MTUS2: variants seen among roughly 807,000 people sequenced by gnomAD.
The protein encoded by MTUS2 is microtubule associated scaffold protein 2.
A neutral mutation model predicts 114.1 loss-of-function variants in MTUS2; 40 were observed. The ratio of observed to expected loss-of-function variants is 0.35; its 90% CI spans 0.27 to 0.46. The LOEUF is 0.46. Among genes scored for constraint, MTUS2 ranks in the 20% least tolerant of loss-of-function variants. The pLI, the probability that MTUS2 is intolerant of heterozygous loss-of-function variation, is 1.00. For synonymous variants in MTUS2, 688 were observed against 672.0 expected (o/e 1.02, Z -0.37); for missense variants, 1,679 against 1,705.4 (o/e 0.98, Z 0.27).
intron 2 of MTUS2, among the ~76,000 whole-genome samples, chr13:28,972,852 G>A (rs1313742846): frequency 6.6e-6 from 1 of 151,932 alleles, no homozygotes; most frequent in Non-Finnish European, 1.5e-5. Context: ...TTTTGCATTT[G>A]CTGCAGACTT....
intron 2 of MTUS2, among the ~76,000 whole-genome samples, chr13:28,900,413 T>C (rs1879575522): frequency 6.6e-6 from 1 of 152,164 alleles, no homozygotes; most frequent in African/African-American, 2.4e-5. Flanking sequence ...CATGTTGCCC[T>C]TTTATAACCA....
intron 5 of MTUS2, among the ~76,000 whole-genome samples, chr13:29,148,480 T>A: frequency 1.8e-5 from 1 of 55,272 alleles, no homozygotes; most frequent in African/African-American, 3.7e-5. Context: ...TTCTTTTTTT[T>A]TTTTTTTTTT....
chr13:28,910,646 C>G (rs1199144252), intron 2 of MTUS2, among the ~76,000 whole-genome samples: 2 of 151,636 alleles, frequency 1.3e-5, no homozygotes, highest in Non-Finnish European at 2.9e-5. Context: ...GTTTTCTGTT[C>G]CTGTGTTAGT....
upstream of MTUS2, chr13:28,820,288 G>A (rs1158789721): frequency 2.0e-5 from 3 of 148,242 alleles, no homozygotes; most frequent in African/African-American, 7.3e-5. Flanking sequence ...GCGCCGAGGT[G>A]AGTGCGGGGG....
chr13:29,409,543 A>AG (rs1211011293), intron 8 of MTUS2, among the ~76,000 whole-genome samples: 1 of 152,150 alleles, frequency 6.6e-6, no homozygotes, highest in Admixed American at 6.5e-5. Flanking sequence ...TTTAATGATT[A>AG]GTTTGATGAG....
Position 29,375,644 on chromosome 13 carries a change from C to T in MTUS2, c.3117+16171C>T, listed in dbSNP as rs199572193. Among the ~76,000 whole-genome samples the T allele has an allele frequency of 2.3e-3, 29 of 12,850 alleles. 5 individuals carry two copies. The highest frequency in any genetic ancestry group is 3.3e-3 in the African/African-American group (19 of 5,772). 8.4% of individuals were successfully genotyped at this position (12,850 alleles called of 152,430 possible). On this transcript the variant is annotated intron_variant, in intron 8 of 15. Transcript: ENST00000612955. ...ATATATATATATATATATATACACA[C>T]ACCATGAAATACCACTCAGCTATAA...
intron 9 of MTUS2, among the ~76,000 whole-genome samples, chr13:29,479,172 C>CT (rs1880955884): frequency 6.6e-6 from 1 of 152,214 alleles, no homozygotes; most frequent in African/African-American, 2.4e-5. Context: ...ATGCCAATGT[C>CT]TCCCCAGTTC....
chr13:29,342,047 C>G (rs2138124107), intron 7 of MTUS2, among the ~76,000 whole-genome samples: 2 of 152,258 alleles, frequency 1.3e-5, no homozygotes, highest in Middle Eastern at 3.4e-3. Context: ...GTTTTGGTGA[C>G]TGTATCCTTA....
At chr13:29,448,827 C>T (rs1878476120) in intron 9 of MTUS2, among the ~76,000 whole-genome samples, 1 of 148,530 alleles carries the variant, frequency 6.7e-6, no homozygotes, top group Admixed American at 6.7e-5. Context: ...GACCTCGGCT[C>T]ACTGCCACCT....
At chr13:29,018,989 T>G (rs1886181565) in intron 2 of MTUS2, among the ~76,000 whole-genome samples, 1 of 152,050 alleles carries the variant, frequency 6.6e-6, no homozygotes, top group South Asian at 2.1e-4. Context: ...CATTGATAAT[T>G]GGTGAGTTAT....
At chr13:28,907,348 C>T (rs936164280) in intron 2 of MTUS2, among the ~76,000 whole-genome samples, 14 of 151,622 alleles carry the variant, frequency 9.2e-5, no homozygotes, top group Admixed American at 2.0e-4. Context: ...CATCAACTAT[C>T]GAGCAAAATA....
At chr13:29,344,697 G>A (rs1868495875) in intron 7 of MTUS2, among the ~76,000 whole-genome samples, 1 of 152,074 alleles carries the variant, frequency 6.6e-6, no homozygotes, top group South Asian at 2.1e-4. Flanking sequence ...CATTATGCAG[G>A]TTGTTGCCTG....
At chr13:28,830,674 A>G (rs1874607068) in intron 1 of MTUS2, among the ~76,000 whole-genome samples, 1 of 152,178 alleles carries the variant, frequency 6.6e-6, no homozygotes, top group Admixed American at 6.6e-5. Flanking sequence ...CATTATGAAT[A>G]CCAACATATG....
intron 11 of MTUS2, among the ~76,000 whole-genome samples, chr13:29,488,835 T>TG (rs1881841328): frequency 6.6e-6 from 1 of 152,226 alleles, no homozygotes; most frequent in South Asian, 2.1e-4. Flanking sequence ...GGGTTTTACG[T>TG]GGGTCATAAC....
At chr13:28,989,341 CA>C (rs1284043658) in intron 2 of MTUS2, among the ~76,000 whole-genome samples, 1 of 152,152 alleles carries the variant, frequency 6.6e-6, no homozygotes, top group Non-Finnish European at 1.5e-5. Context: ...AAGATAGTGA[CA>C]CCTTTTTCGA....
chr13:29,297,407 C>A (rs183785443), intron 6 of MTUS2, among the ~76,000 whole-genome samples: 7 of 152,254 alleles, frequency 4.6e-5, no homozygotes, highest in Admixed American at 4.6e-4. Flanking sequence ...GTATATTCAA[C>A]TTCTGATGCT....
chr13:28,967,654 G>T (rs1040899326), intron 2 of MTUS2, among the ~76,000 whole-genome samples: 14 of 152,232 alleles, frequency 9.2e-5, no homozygotes, highest in African/African-American at 3.4e-4. Context: ...GTCAGTGGAG[G>T]CAGGATCTTG....
intron 9 of MTUS2, among the ~76,000 whole-genome samples, chr13:29,458,881 G>A (rs1404722218): frequency 5.9e-5 from 9 of 152,234 alleles, no homozygotes; most frequent in Admixed American, 5.9e-4. Flanking sequence ...CCATGTAATA[G>A]TCCAAAGTTG....
At position 28,964,361 on chromosome 13, in the gene MTUS2, T is replaced by C. The variant is rs147717634; in HGVS notation, c.-242-60096T>C. Among the ~76,000 whole-genome samples the C allele has an allele frequency of 1.1e-4, 16 of 152,304 alleles. No individual in the cohort carries two copies. The East Asian group carries it at 2.7e-3, about 26-fold the overall frequency. ...CTGTTCCTTCTACCTGTTCCTCTCA[T>C]CTGGTCTTTATTCTGTGATTAAGAG... On this transcript the variant is annotated intron_variant, in intron 2 of 15. Transcript: ENST00000612955.
Sources: gnomAD v4.1 joint callset for allele counts (sites outside exome capture counted in the v4.1 genomes callset) on GRCh38, gnomAD v4.1.1 for gene constraint, MANE v1.5 for transcripts, NCBI Gene and HGNC (gene_info 2026-07-23, HGNC 2026-07-21) for gene names.